Variants in CSMD1 observed in about 807,000 individuals in gnomAD.
CSMD1 encodes the protein CUB and sushi domain-containing protein 1.
CSMD1 carries 213 observed loss-of-function variants against 417.5 expected under a neutral mutation model. That is an observed-to-expected ratio of 0.51 (90% CI 0.46 to 0.57). CSMD1 has a LOEUF of 0.57. Ranked by LOEUF, CSMD1 falls within the 20% of genes least tolerant of loss-of-function variation. The pLI, the probability that CSMD1 is intolerant of heterozygous loss-of-function variation, is 0.00. For missense variants in CSMD1, 6,923 were observed against 4,529.7 expected, an observed-to-expected ratio of 1.53 and a Z score of -15.17; for synonymous variants, 2,862 against 1,736.8, an observed-to-expected ratio of 1.65 and a Z score of -16.11.
chr8:3,150,841 A>C (rs1385221866), intron 40 of CSMD1, among the ~76,000 whole-genome samples: 5 of 152,204 alleles, frequency 3.3e-5, no homozygotes, highest in Admixed American at 1.3e-4. Flanking sequence ...AGGTTCTATA[A>C]TAGTATACAC....
intron 50 of CSMD1, among the ~76,000 whole-genome samples, chr8:3,037,629 G>C (rs1371664301): frequency 2.0e-5 from 3 of 152,118 alleles, no homozygotes; most frequent in Non-Finnish European, 2.9e-5. Flanking sequence ...AGGGCTGCTG[G>C]AGCGGACGGT....
intron 37 of CSMD1, among the ~76,000 whole-genome samples, chr8:3,166,219 A>T (rs1348115324): frequency 6.6e-6 from 1 of 152,156 alleles, no homozygotes; most frequent in Non-Finnish European, 1.5e-5. Flanking sequence ...AGAATTATGT[A>T]TGATAATTCT....
At chr8:4,706,781 C>T (rs2256976) in intron 1 of CSMD1, among the ~76,000 whole-genome samples, 2 of 152,208 alleles carry the variant, frequency 1.3e-5, no homozygotes, top group African/African-American at 2.4e-5. Flanking sequence ...CAACAGAAGA[C>T]GCATTTGAGA....
At chr8:4,030,867 A>T (rs1797307465) in intron 4 of CSMD1, among the ~76,000 whole-genome samples, 1 of 152,184 alleles carries the variant, frequency 6.6e-6, no homozygotes, top group South Asian at 2.1e-4. Flanking sequence ...ATTCCTCCAG[A>T]TACCCCAAAT....
intron 1 of CSMD1, among the ~76,000 whole-genome samples, chr8:4,745,139 T>A (rs1810870367): frequency 6.6e-6 from 1 of 152,162 alleles, no homozygotes; most frequent in African/African-American, 2.4e-5. Flanking sequence ...AAATTCATAC[T>A]TTTAAAATTA....
At chr8:4,183,824 C>T (rs987350763) in intron 3 of CSMD1, among the ~76,000 whole-genome samples, 2 of 152,130 alleles carry the variant, frequency 1.3e-5, no homozygotes, top group East Asian at 3.9e-4. Flanking sequence ...TATTAAATGT[C>T]TCCCCTCCTG....
intron 2 of CSMD1, among the ~76,000 whole-genome samples, chr8:4,479,678 G>C (rs982787298): frequency 2.0e-5 from 3 of 152,064 alleles, no homozygotes; most frequent in Non-Finnish European, 4.4e-5. Flanking sequence ...GGTAGACCAC[G>C]AGGTCAGGAG....
chr8:2,989,521 T>C (rs1585102765), intron 54 of CSMD1, among the ~76,000 whole-genome samples: 1 of 152,302 alleles, frequency 6.6e-6, no homozygotes. Flanking sequence ...AAATTAAGTT[T>C]GTTTCTATTT....
rs141169166 is a variant in CSMD1 at position 3,201,743 on chromosome 8, G to T, written c.4985-18C>A. On this transcript the variant is annotated intron_variant, in intron 31 of 69. Transcript: ENST00000635120. ...AAAGACCACTAAAAAATAAGAGGTG[G>T]GATGTTGGCACAAGATGCTCTAAGA... is the stretch of plus-strand genomic sequence containing the variant. 3.0e-4 allele frequency: 447 copies of T among 1,480,654 alleles called. 1 individual carries two copies. In the East Asian group the frequency reaches 5.9e-3, roughly 20 times the overall value. The allele number at this position is 1,480,654 out of a possible 1,614,324, so 91.7% of individuals were successfully genotyped here.
At chr8:3,112,685 C>T (rs56681362) in intron 42 of CSMD1, among the ~76,000 whole-genome samples, 6,387 of 152,232 alleles carry the variant, frequency 0.042, 456 homozygotes, top group African/African-American at 0.14. Flanking sequence ...CTGTTGCTGC[C>T]TTTGTAAAAA....
At chr8:3,953,554 G>T (rs911707900) in intron 5 of CSMD1, among the ~76,000 whole-genome samples, 43 of 152,078 alleles carry the variant, frequency 2.8e-4, no homozygotes, top group African/African-American at 9.7e-4. Context: ...ACAGCTTCAG[G>T]ACTTCCCTGG....
At chr8:3,888,465 G>T (rs140940010) in intron 5 of CSMD1, among the ~76,000 whole-genome samples, 1 of 152,112 alleles carries the variant, frequency 6.6e-6, no homozygotes, top group South Asian at 2.1e-4. Context: ...AAAAAGAAGC[G>T]CCATTTAGGA....
At chr8:3,306,844 CAGAGCTTACTTTAAAA>C (rs1804896328) in intron 25 of CSMD1, among the ~76,000 whole-genome samples, 1 of 28,624 alleles carries the variant, frequency 3.5e-5, no homozygotes, top group South Asian at 1.0e-3. Flanking sequence ...AAAAATATTA[CAGAGCTTACTTTAAAA>C]ATATTACTTT....
At chr8:4,901,856 G>A (rs911230628) in intron 1 of CSMD1, among the ~76,000 whole-genome samples, 4 of 149,314 alleles carry the variant, frequency 2.7e-5, no homozygotes, top group South Asian at 4.2e-4. Flanking sequence ...TCATGATGAT[G>A]ACATATATAT....
intron 1 of CSMD1, among the ~76,000 whole-genome samples, chr8:4,771,738 T>C (rs1208021286): frequency 3.3e-5 from 5 of 152,320 alleles, no homozygotes; most frequent in African/African-American, 1.2e-4. Flanking sequence ...GAAGTCTATA[T>C]GAGAGATGAT....
At chr8:4,931,295 C>G (rs929922151) in intron 1 of CSMD1, among the ~76,000 whole-genome samples, 1 of 152,090 alleles carries the variant, frequency 6.6e-6, no homozygotes, top group African/African-American at 2.4e-5. Flanking sequence ...TCCTTCTGAT[C>G]AGGACATAGT....
intron 1 of CSMD1, among the ~76,000 whole-genome samples, chr8:4,736,772 C>T (rs572372756): frequency 6.6e-6 from 1 of 152,020 alleles, no homozygotes; most frequent in South Asian, 2.1e-4. Flanking sequence ...TGTTTGTGTC[C>T]CCACTCTAAC....
intron 54 of CSMD1, among the ~76,000 whole-genome samples, chr8:2,994,695 T>C (rs1351215759): frequency 6.6e-6 from 1 of 152,224 alleles, no homozygotes; most frequent in East Asian, 1.9e-4. Flanking sequence ...TTTTATAGGA[T>C]CAATTAATTA....
chr8:3,757,381 C>T (rs541871746), intron 5 of CSMD1, among the ~76,000 whole-genome samples: 124 of 152,254 alleles, frequency 8.1e-4, no homozygotes, highest in Non-Finnish European at 1.4e-3. Flanking sequence ...TGGGTGTGTT[C>T]CAATAACACT....
Sources: gnomAD v4.1 joint callset for allele counts (sites outside exome capture counted in the v4.1 genomes callset) on GRCh38, gnomAD v4.1.1 for gene constraint, MANE v1.5 for transcripts, NCBI Gene and HGNC (gene_info 2026-07-23, HGNC 2026-07-21) for gene names.